IL1RAPL2: variants seen among roughly 807,000 people sequenced by gnomAD.
The protein encoded by IL1RAPL2 is interleukin 1 receptor accessory protein like 2.
Under a neutral mutation model 44.1 loss-of-function variants are expected in IL1RAPL2, and 3 were observed. The observed-to-expected ratio is 0.07, with a 90% CI of 0.03 to 0.18. IL1RAPL2 has a LOEUF of 0.18. IL1RAPL2 is among the 10% of genes least tolerant of loss of function. IL1RAPL2 has a pLI of 1.00. For synonymous variants in IL1RAPL2, 181 were observed against 178.8 expected (o/e 1.01, Z -0.10); for missense variants, 391 against 496.4 (o/e 0.79, Z 2.02).
intron 2 of IL1RAPL2, among the ~76,000 whole-genome samples, chrX:104,906,815 C>T (rs1326956728): frequency 9.0e-6 from 1 of 111,719 alleles, no homozygotes; most frequent in African/African-American, 3.3e-5. Context: ...ATGATGCTGG[C>T]CTCATAAAAT....
chrX:105,208,028 A>G (rs1556154105), intron 3 of IL1RAPL2, among the ~76,000 whole-genome samples: 1 of 111,958 alleles, frequency 8.9e-6, no homozygotes, highest in East Asian at 2.8e-4. Context: ...TGGTGATAGT[A>G]GAGGTCTTCC....
At chrX:105,729,973 A>G (rs1233887758) in intron 7 of IL1RAPL2, among the ~76,000 whole-genome samples, 1 of 109,599 alleles carries the variant, frequency 9.1e-6, no homozygotes, top group South Asian at 3.9e-4. Context: ...ATACAAAACA[A>G]CCAGAAAGTA....
intron 2 of IL1RAPL2, among the ~76,000 whole-genome samples, chrX:104,926,378 G>GA (rs1924772891): frequency 8.9e-6 from 1 of 111,864 alleles, no homozygotes; most frequent in South Asian, 3.7e-4. Context: ...TTAACTCTCT[G>GA]AAAATGTCTT....
rs190060721 is a variant in IL1RAPL2, at chrX:104,779,954, T to C, written c.82+120959T>C. Among the ~76,000 whole-genome samples the C allele has an allele frequency of 1.3e-3, 150 of 111,555 alleles. 2 individuals carry two copies. The highest frequency in any genetic ancestry group is 4.2e-3 in the African/African-American group (128 of 30,724). ...GTTAGATGGTTATTAAGGAAACCCC[T>C]GGAAGAAAATATTTGGCCCCTGATG... is the stretch of plus-strand genomic sequence containing the variant. On this transcript the variant is annotated intron_variant, in intron 2 of 10. Transcript: ENST00000372582.
At chrX:105,565,808 T>C (rs2036970458) in intron 6 of IL1RAPL2, among the ~76,000 whole-genome samples, 1 of 112,041 alleles carries the variant, frequency 8.9e-6, no homozygotes, top group Non-Finnish European at 1.9e-5. Context: ...CCAGATTCTC[T>C]TTCCAAGACA....
At chrX:105,611,098 A>C (rs1160343306) in intron 6 of IL1RAPL2, among the ~76,000 whole-genome samples, 3 of 111,923 alleles carry the variant, frequency 2.7e-5, no homozygotes, top group African/African-American at 6.5e-5. Flanking sequence ...GTTTTTAACA[A>C]AAAAGTTTAA....
Position 105,321,879 on chromosome X carries a change from A to G in IL1RAPL2, c.697+54338A>G, listed in dbSNP as rs754997694. On this transcript the variant is annotated intron_variant, in intron 5 of 10. Coordinates refer to ENST00000372582, the MANE Select transcript of IL1RAPL2 (RefSeq NM_017416.2). ...CAGTATAAGCAATTGCTGAGTAACC[A>G]ACACAGGGTCTCTGACTGGTAATAA... 1.8e-4 allele frequency among the ~76,000 whole-genome samples: 20 copies of G among 113,099 alleles called. No individual in the cohort carries two copies. In the East Asian group the frequency reaches 5.3e-3, roughly 30 times the overall value.
At chrX:104,772,025 T>C (rs1280458472) in intron 2 of IL1RAPL2, among the ~76,000 whole-genome samples, 2 of 111,862 alleles carry the variant, frequency 1.8e-5, no homozygotes, top group Non-Finnish European at 1.9e-5. Flanking sequence ...CTAGGAGTTA[T>C]ACTTTGTGTG....
intron 6 of IL1RAPL2, among the ~76,000 whole-genome samples, chrX:105,665,724 TTG>T (rs1363746830): frequency 1.2e-5 from 1 of 80,632 alleles, no homozygotes. Flanking sequence ...GTTTTTATTT[TTG>T]TTTTTTTGTT....
chrX:104,944,125 G>C (rs1456256238), intron 2 of IL1RAPL2, among the ~76,000 whole-genome samples: 1 of 111,409 alleles, frequency 9.0e-6, no homozygotes, highest in Non-Finnish European at 1.9e-5. Context: ...CCAAGTAGCT[G>C]TTCTTTAACA....
rs36063657 is a variant in IL1RAPL2 at position 105,099,453 on chromosome X, CTTTTTTTTTTTTTTT to C, written c.83-96007_83-95993del. The stretch of plus-strand genomic sequence containing the variant: ...AGACGGGTGGGAGAGGTGCCACATA[CTTTTTTTTTTTTTTT>C]TTTTTTTTTTTTTTGAGATGGAGTC... On this transcript the variant is annotated intron_variant, in intron 2 of 10. Coordinates refer to ENST00000372582, the MANE Select transcript of IL1RAPL2 (RefSeq NM_017416.2). 1.4e-4 allele frequency among the ~76,000 whole-genome samples: 5 copies of C among 35,866 alleles called. No individual in the cohort carries two copies. The East Asian group carries it at 7.1e-3, about 51-fold the overall frequency. 31.1% of individuals were successfully genotyped at this position (35,866 alleles called of 115,157 possible). A position where few individuals can be genotyped will look rare whatever the true frequency, so the allele number is the denominator to read the frequency against.
intron 1 of IL1RAPL2, among the ~76,000 whole-genome samples, chrX:104,626,287 G>A (rs1481370727): frequency 1.1e-5 from 1 of 94,305 alleles, no homozygotes; most frequent in Admixed American, 1.2e-4. Context: ...TCTGGGTTGT[G>A]ACTGTCTCAT....
intron 2 of IL1RAPL2, among the ~76,000 whole-genome samples, chrX:104,875,098 G>C (rs994850459): frequency 2.7e-5 from 3 of 111,591 alleles, no homozygotes; most frequent in Non-Finnish European, 3.8e-5. Context: ...GTGATGCTGA[G>C]AGAATTACTT....
At chrX:105,417,011 C>T (rs2035737945) in intron 5 of IL1RAPL2, among the ~76,000 whole-genome samples, 1 of 112,030 alleles carries the variant, frequency 8.9e-6, no homozygotes, top group Admixed American at 9.5e-5. Flanking sequence ...TAAATTGCAA[C>T]CTTTTCTCCT....
intron 2 of IL1RAPL2, among the ~76,000 whole-genome samples, chrX:104,677,129 G>T (rs769934265): frequency 1.8e-5 from 2 of 112,044 alleles, no homozygotes; most frequent in Admixed American, 9.5e-5. Flanking sequence ...GCTTTGTTCC[G>T]TTGCTGGTGA....
chrX:104,601,141 T>A lies in IL1RAPL2; in HGVS notation c.-20+34090T>A, dbSNP rs183012136. ...ACCATGGAGCAATTTTCTTTTTTTTTATTATACTTTAAGTTTTAGGGTACA... is the reference window on the plus strand; with the variant it reads ...ACCATGGAGCAATTTTCTTTTTTTTAATTATACTTTAAGTTTTAGGGTACA... On this transcript the variant is annotated intron_variant, in intron 1 of 10. Coordinates refer to ENST00000372582, the MANE Select transcript of IL1RAPL2 (RefSeq NM_017416.2). 1.9e-3 allele frequency among the ~76,000 whole-genome samples: 214 copies of A among 112,100 alleles called. 2 individuals are homozygous for A. Among genetic ancestry groups the A allele is most frequent in the Non-Finnish European group, 3.5e-3 (188 of 53,198 alleles).
At chrX:104,946,750 CT>C (rs1408550309) in intron 2 of IL1RAPL2, among the ~76,000 whole-genome samples, 4 of 99,977 alleles carry the variant, frequency 4.0e-5, no homozygotes, top group Admixed American at 1.1e-4. Context: ...TGAACTCATC[CT>C]TTTTTATGGC....
intron 2 of IL1RAPL2, among the ~76,000 whole-genome samples, chrX:104,912,427 T>C (rs1036714472): frequency 9.0e-6 from 1 of 110,711 alleles, no homozygotes; most frequent in Non-Finnish European, 1.9e-5. Flanking sequence ...AATTCTAGTT[T>C]CAAAAGGCAA....
At chrX:105,685,620 A>G (rs1480967037) in intron 6 of IL1RAPL2, among the ~76,000 whole-genome samples, 1 of 111,761 alleles carries the variant, frequency 8.9e-6, no homozygotes, top group Non-Finnish European at 1.9e-5. Context: ...CAAGTTGGAA[A>G]ACACTCTTCA....
Sources: allele counts gnomAD v4.1 joint callset (sites outside exome capture counted in the v4.1 genomes callset), GRCh38; gene constraint gnomAD v4.1.1; transcripts MANE v1.5; gene names NCBI Gene and HGNC (gene_info 2026-07-23, HGNC 2026-07-21).